Variants in CNTN5 observed in about 807,000 individuals in gnomAD.
The protein encoded by CNTN5 is contactin 5.
In CNTN5, 77 loss-of-function variants were observed where a neutral mutation model predicts 129.1. That is an observed-to-expected ratio of 0.60 (90% CI 0.50 to 0.72). The LOEUF is 0.72. Among genes scored for constraint, CNTN5 ranks in the 30% least tolerant of loss-of-function variants. CNTN5 has a pLI of 0.00. For missense variants in CNTN5, 1,478 were observed against 1,328.8 expected, an observed-to-expected ratio of 1.11 and a Z score of -1.75; for synonymous variants, 509 against 465.6, an observed-to-expected ratio of 1.09 and a Z score of -1.20.
intron 3 of CNTN5, among the ~76,000 whole-genome samples, chr11:99,782,472 A>T (rs1021878246): frequency 6.6e-5 from 10 of 151,288 alleles, no homozygotes; most frequent in African/African-American, 2.4e-4. Context: ...AATTGGAAAA[A>T]ACTACTTTCA....
intron 6 of CNTN5, among the ~76,000 whole-genome samples, chr11:99,851,154 ATATT>A (rs1947861930): frequency 6.6e-6 from 1 of 151,952 alleles, no homozygotes; most frequent in Non-Finnish European, 1.5e-5. Flanking sequence ...CCATAAATAA[ATATT>A]TATATATAAA....
chr11:100,154,010 T>C (rs1391057206), intron 13 of CNTN5, among the ~76,000 whole-genome samples: 2 of 152,052 alleles, frequency 1.3e-5, no homozygotes, highest in East Asian at 3.9e-4. Context: ...TTTTATCACA[T>C]TTCTTTTTTT....
chr11:99,913,840 TTA>T (rs1307612408), intron 6 of CNTN5, among the ~76,000 whole-genome samples: 1 of 152,110 alleles, frequency 6.6e-6, no homozygotes, highest in African/African-American at 2.4e-5. Context: ...AAATGGATAT[TTA>T]TGTTTTAGAG....
chr11:100,220,758 G>A (rs946384439), intron 15 of CNTN5, among the ~76,000 whole-genome samples: 1 of 152,160 alleles, frequency 6.6e-6, no homozygotes, highest in East Asian at 1.9e-4. Context: ...TTCCCAAGGT[G>A]AATATCTAAT....
At chr11:99,203,472 T>C (rs145586061) in intron 1 of CNTN5, among the ~76,000 whole-genome samples, 1 of 151,362 alleles carries the variant, frequency 6.6e-6, no homozygotes, top group African/African-American at 2.4e-5. Flanking sequence ...TAATAAGTTA[T>C]AGGCAAATTT....
At chr11:100,076,630 C>CT in intron 13 of CNTN5, among the ~76,000 whole-genome samples, 1 of 152,066 alleles carries the variant, frequency 6.6e-6, no homozygotes, top group Non-Finnish European at 1.5e-5. Context: ...GATGTCAATA[C>CT]TTCCAGTCAA....
At chr11:100,005,601 CA>C (rs1565780783) in intron 9 of CNTN5, among the ~76,000 whole-genome samples, 1 of 152,096 alleles carries the variant, frequency 6.6e-6, no homozygotes, top group Non-Finnish European at 1.5e-5. Context: ...ATTTTATTCT[CA>C]AAGCATATTT....
chr11:99,317,179 G>C (rs184277607), intron 1 of CNTN5, among the ~76,000 whole-genome samples: 1 of 152,270 alleles, frequency 6.6e-6, no homozygotes, highest in East Asian at 1.9e-4. Context: ...GACACATGTG[G>C]TAAATGCGTG....
intron 9 of CNTN5, among the ~76,000 whole-genome samples, chr11:100,050,628 TAATAA>T (rs956027959): frequency 2.7e-5 from 4 of 150,530 alleles, no homozygotes; most frequent in African/African-American, 7.3e-5. Flanking sequence ...AGTATAATAA[TAATAA>T]AATAAAAAAA....
At chr11:99,332,673 C>T (rs1866049251) in intron 2 of CNTN5, among the ~76,000 whole-genome samples, 1 of 151,916 alleles carries the variant, frequency 6.6e-6, no homozygotes, top group Admixed American at 6.6e-5. Context: ...GGCAACCACG[C>T]CTCTACAAAT....
intron 3 of CNTN5, among the ~76,000 whole-genome samples, chr11:99,612,647 G>T (rs1950625679): frequency 6.6e-6 from 1 of 152,164 alleles, no homozygotes; most frequent in Non-Finnish European, 1.5e-5. Context: ...TTACAAAATT[G>T]AAAGGTTCTC....
intron 16 of CNTN5, among the ~76,000 whole-genome samples, chr11:100,231,529 A>T (rs190400444): frequency 1.3e-5 from 2 of 152,266 alleles, no homozygotes; most frequent in African/African-American, 4.8e-5. Flanking sequence ...AGTTAGTTAG[A>T]CTAACAGAGT....
chr11:100,040,742 A>T (rs909339830), intron 9 of CNTN5, among the ~76,000 whole-genome samples: 2 of 152,164 alleles, frequency 1.3e-5, no homozygotes, highest in African/African-American at 4.8e-5. Context: ...GCTAGCAATG[A>T]GCGAGACTCT....
intron 16 of CNTN5, among the ~76,000 whole-genome samples, chr11:100,226,609 C>T (rs1186619549): frequency 6.6e-6 from 1 of 152,114 alleles, no homozygotes; most frequent in Non-Finnish European, 1.5e-5. Flanking sequence ...AACATTCAGC[C>T]CAAGCTTTCA....
intron 1 of CNTN5, among the ~76,000 whole-genome samples, chr11:99,184,061 T>C (rs762349353): frequency 6.6e-6 from 1 of 152,104 alleles, no homozygotes; most frequent in Non-Finnish European, 1.5e-5. Flanking sequence ...GCTGTCATTA[T>C]GGTTTGCTTG....
In CNTN5 at chr11:99,290,089, CCTT is replaced by C. The variant is rs1330240574; in HGVS notation, c.-209-35253_-209-35251del. 2.6e-5 allele frequency among the ~76,000 whole-genome samples: 4 copies of C among 151,786 alleles called. No homozygotes were observed. The East Asian group carries it at 7.7e-4, about 29-fold the overall frequency. On this transcript the variant is annotated intron_variant, in intron 1 of 24. Coordinates refer to ENST00000524871, the MANE Select transcript of CNTN5 (RefSeq NM_014361.4). ...ATTTTTAATACCTCCAGAACACTGT[CCTT>C]CTTATTTAAAATTATAACCCCCCCA...
chr11:100,017,698 C>T (rs770603), intron 9 of CNTN5, among the ~76,000 whole-genome samples: 64,538 of 151,858 alleles, frequency 0.42, 13,991 homozygotes, highest in East Asian at 0.56. Flanking sequence ...TTGTTGACTA[C>T]ATATTTTCAT....
intron 6 of CNTN5, among the ~76,000 whole-genome samples, chr11:99,908,896 A>G (rs930316389): frequency 8.6e-5 from 13 of 152,044 alleles, no homozygotes; most frequent in African/African-American, 2.9e-4. Flanking sequence ...CCTTTGGAGG[A>G]CTGATTAATG....
intron 9 of CNTN5, among the ~76,000 whole-genome samples, chr11:100,028,365 C>T (rs958370492): frequency 6.6e-6 from 1 of 152,106 alleles, no homozygotes; most frequent in South Asian, 2.1e-4. Context: ...ATAAATTATC[C>T]TCTCTGAACT....
Sources: gnomAD v4.1 joint callset for allele counts (sites outside exome capture counted in the v4.1 genomes callset) on GRCh38, gnomAD v4.1.1 for gene constraint, MANE v1.5 for transcripts, NCBI Gene and HGNC (gene_info 2026-07-23, HGNC 2026-07-21) for gene names.